The following FRMD5 variants were observed in gnomAD, a reference collection of about 807,000 sequenced individuals.
The protein encoded by FRMD5 is FERM domain-containing protein 5.
In FRMD5, 20 loss-of-function variants were observed where a neutral mutation model predicts 69.0. The observed-to-expected ratio is 0.29, with a 90% CI of 0.20 to 0.42. FRMD5 has a LOEUF of 0.42. FRMD5 is among the 10% of genes least tolerant of loss of function. FRMD5 has a pLI of 1.00. For synonymous variants in FRMD5, 271 were observed against 260.1 expected (o/e 1.04, Z -0.40); for missense variants, 595 against 708.6 (o/e 0.84, Z 1.82).
chr15:43,879,404 A>G, intron 13 of FRMD5: 1 of 398,004 alleles, frequency 2.5e-6, no homozygotes, highest in Non-Finnish European at 4.4e-6. Flanking sequence ...CTGTCCTGCC[A>G]TTTCATCGAA....
At chr15:44,106,311 T>A (rs902270904) in intron 1 of FRMD5, among the ~76,000 whole-genome samples, 5 of 152,156 alleles carry the variant, frequency 3.3e-5, no homozygotes, top group Admixed American at 1.3e-4. Flanking sequence ...GGTTTCCCTT[T>A]AAGGATAGAG....
chr15:44,187,547 T>C (rs1452502940), intron 1 of FRMD5, among the ~76,000 whole-genome samples: 2 of 148,128 alleles, frequency 1.4e-5, no homozygotes, highest in Non-Finnish European at 3.0e-5. Flanking sequence ...CGCATCCCCA[T>C]GCCATTTTTG....
At chr15:44,127,230 T>A (rs1311485033) in intron 1 of FRMD5, among the ~76,000 whole-genome samples, 1 of 152,146 alleles carries the variant, frequency 6.6e-6, no homozygotes, top group Non-Finnish European at 1.5e-5. Context: ...GCAGCTGAGA[T>A]TACAGACATT....
intron 1 of FRMD5, among the ~76,000 whole-genome samples, chr15:44,190,455 T>C (rs767167515): frequency 8.5e-5 from 13 of 152,096 alleles, no homozygotes; most frequent in Admixed American, 1.3e-4. Flanking sequence ...TCACACAGTA[T>C]TCATTTGATC....
chr15:43,980,825 C>CATTT (rs2140620659), intron 1 of FRMD5, among the ~76,000 whole-genome samples: 1 of 152,216 alleles, frequency 6.6e-6, no homozygotes, highest in African/African-American at 2.4e-5. Flanking sequence ...GGGTGCTGCT[C>CATTT]ATTTTTGTGT....
intron 1 of FRMD5, among the ~76,000 whole-genome samples, chr15:43,951,036 A>G (rs2090018152): frequency 6.6e-6 from 1 of 152,226 alleles, no homozygotes; most frequent in Non-Finnish European, 1.5e-5. Context: ...GAAATGATCA[A>G]ATCAGGTAAT....
intron 6 of FRMD5, among the ~76,000 whole-genome samples, chr15:43,905,562 C>T (rs1045065620): frequency 6.6e-6 from 1 of 152,214 alleles, no homozygotes. Context: ...GCCAATCCCT[C>T]TCTGTTTCCC....
rs1223337646 is a variant in FRMD5, at chr15:43,871,815, C to T, written c.*2070G>A. 6.6e-6 allele frequency: 1 copy of T among 152,208 alleles called. No homozygotes were observed. Among genetic ancestry groups the T allele is most frequent in the Non-Finnish European group, 1.5e-5 (1 of 68,028 alleles). The allele number at this position is 152,208 out of a possible 1,614,324, so 9.4% of individuals were successfully genotyped here. On this transcript the variant is annotated 3_prime_UTR_variant, in exon 14 of 14. Coordinates refer to ENST00000417257, the MANE Select transcript of FRMD5 (RefSeq NM_032892.5). ...ATCTTGCCCATTTGGCATCAGACATCTCTTTGCTGGTTAGTTGTTCAAGCA... is the reference window on the plus strand; with the variant it reads ...ATCTTGCCCATTTGGCATCAGACATTTCTTTGCTGGTTAGTTGTTCAAGCA...
At chr15:44,052,492 C>T (rs926304835) in intron 1 of FRMD5, among the ~76,000 whole-genome samples, 1 of 152,168 alleles carries the variant, frequency 6.6e-6, no homozygotes, top group African/African-American at 2.4e-5. Flanking sequence ...GCAAGGTGTA[C>T]TTGTTACTAG....
intron 1 of FRMD5, among the ~76,000 whole-genome samples, chr15:44,150,841 C>T (rs2077433004): frequency 6.6e-6 from 1 of 151,990 alleles, no homozygotes; most frequent in Non-Finnish European, 1.5e-5. Flanking sequence ...TCTGTAATCC[C>T]AACATTTTGG....
Position 44,107,417 on chromosome 15 carries a change from T to C in FRMD5, c.102+87536A>G, listed in dbSNP as rs577030912. Among the ~76,000 whole-genome samples, 7 of 152,330 alleles carry C rather than the reference T, an allele frequency of 4.6e-5. 1 individual carries two copies. Among genetic ancestry groups the C allele is most frequent in the South Asian group, 4.1e-4 (2 of 4,830 alleles). On this transcript the variant is annotated intron_variant, in intron 1 of 13. Transcript: ENST00000417257. ...GAAACCTTAAGTAAAAATTGATCTT[T>C]TGGGTAGGAAATGTACCACTTTAAC...
chr15:43,978,841 C>T (rs561544533), intron 1 of FRMD5, among the ~76,000 whole-genome samples: 1 of 152,242 alleles, frequency 6.6e-6, no homozygotes, highest in Non-Finnish European at 1.5e-5. Flanking sequence ...CATGAACCAC[C>T]ACACCCGGCC....
intron 1 of FRMD5, among the ~76,000 whole-genome samples, chr15:44,074,105 G>A (rs924499584): frequency 1.3e-5 from 2 of 152,062 alleles, no homozygotes; most frequent in African/African-American, 4.8e-5. Context: ...TGGCTTTGCA[G>A]GTAAGTCATT....
rs139862337 is a variant in FRMD5, at chr15:44,168,726, T to C, written c.102+26227A>G. Among the ~76,000 whole-genome samples the C allele has an allele frequency of 3.9e-3, 599 of 152,306 alleles. 5 individuals are homozygous for C. Among genetic ancestry groups the C allele is most frequent in the African/African-American group, 0.013 (560 of 41,558 alleles). On this transcript the variant is annotated intron_variant, in intron 1 of 13. Transcript: ENST00000417257. ...AGGGGCTAGGACAATTCAAATAATT[T>C]GCCAATATCCCCAACGTACTTCATT...
chr15:43,960,383 G>A (rs2090179575), intron 1 of FRMD5, among the ~76,000 whole-genome samples: 1 of 152,232 alleles, frequency 6.6e-6, no homozygotes, highest in South Asian at 2.1e-4. Context: ...CCGAGTAGCT[G>A]GGACTACAGG....
chr15:43,970,179 T>C (rs1003352231), intron 1 of FRMD5, among the ~76,000 whole-genome samples: 1 of 152,202 alleles, frequency 6.6e-6, no homozygotes, highest in African/African-American at 2.4e-5. Context: ...TTAAGATAAA[T>C]CTCTATTCTC....
At chr15:44,167,493 A>G (rs1385108657) in intron 1 of FRMD5, among the ~76,000 whole-genome samples, 1 of 152,182 alleles carries the variant, frequency 6.6e-6, no homozygotes, top group East Asian at 1.9e-4. Flanking sequence ...TTTATCTTCT[A>G]TATTTGGCCT....
chr15:43,931,625 A>T (rs1483835858), intron 1 of FRMD5, among the ~76,000 whole-genome samples: 1 of 152,074 alleles, frequency 6.6e-6, no homozygotes, highest in African/African-American at 2.4e-5. Context: ...ATGTTTGGCA[A>T]AATCTGGGAA....
At chr15:43,885,404 G>A (rs1453282588) in intron 11 of FRMD5, among the ~76,000 whole-genome samples, 5 of 152,160 alleles carry the variant, frequency 3.3e-5, no homozygotes, top group Admixed American at 3.3e-4. Context: ...TCAAACTCCT[G>A]GCCTCAAGTG....
Sources: allele counts gnomAD v4.1 joint callset (sites outside exome capture counted in the v4.1 genomes callset), GRCh38; gene constraint gnomAD v4.1.1; transcripts MANE v1.5; gene names NCBI Gene and HGNC (gene_info 2026-07-23, HGNC 2026-07-21).